Variants in MYLK3 observed in about 807,000 individuals in gnomAD.
MYLK3 encodes myosin light chain kinase 3.
MYLK3 carries 55 observed loss-of-function variants against 76.3 expected under a neutral mutation model. The ratio of observed to expected loss-of-function variants is 0.72; its 90% CI spans 0.58 to 0.90. The LOEUF is 0.90. MYLK3 is among the 40% of genes least tolerant of loss of function. MYLK3 has a pLI of 0.00. For missense variants in MYLK3, 973 were observed against 1,053.6 expected, an observed-to-expected ratio of 0.92 and a Z score of 1.06; for synonymous variants, 416 against 425.4, an observed-to-expected ratio of 0.98 and a Z score of 0.27.
chr16:46,728,557 C>CA (rs1008107883), intron 7 of MYLK3, among the ~76,000 whole-genome samples: 1 of 152,010 alleles, frequency 6.6e-6, no homozygotes, highest in Non-Finnish European at 1.5e-5. Context: ...CTCATCTCTA[C>CA]AAAAAATTTA....
chr16:46,740,591 A>T (rs1466133370), intron 1 of MYLK3, among the ~76,000 whole-genome samples: 1 of 138,412 alleles, frequency 7.2e-6, no homozygotes, highest in Non-Finnish European at 1.5e-5. Context: ...TTGCTCTGTC[A>T]TCCAGGCTGC....
At chr16:46,742,446 A>AC (rs57753409) in intron 1 of MYLK3, among the ~76,000 whole-genome samples, 83,045 of 121,472 alleles carry the variant, frequency 0.68, 27,731 homozygotes, top group East Asian at 0.95. Flanking sequence ...ATCCCAGCAA[A>AC]AACACACACA....
chr16:46,716,491 A>G (rs958012022), intron 9 of MYLK3, among the ~76,000 whole-genome samples: 4 of 52,780 alleles, frequency 7.6e-5, no homozygotes, highest in African/African-American at 1.7e-4. Context: ...GTGTATGTGT[A>G]TATATATGTG....
chr16:46,723,791 A>G (rs1299997746), intron 8 of MYLK3, among the ~76,000 whole-genome samples: 1 of 151,992 alleles, frequency 6.6e-6, no homozygotes, highest in African/African-American at 2.4e-5. Context: ...CTGGGATTAC[A>G]GGCATGTGCC....
chr16:46,743,909 T>C (rs1024978913), intron 1 of MYLK3, among the ~76,000 whole-genome samples: 1 of 152,228 alleles, frequency 6.6e-6, no homozygotes, highest in African/African-American at 2.4e-5. Context: ...CAAAACTAGC[T>C]TTGGTTATAT....
intron 8 of MYLK3, chr16:46,725,866 G>A (rs554437154): frequency 6.6e-6 from 1 of 152,282 alleles, no homozygotes; most frequent in Admixed American, 6.5e-5. Context: ...GGTTTTTATT[G>A]CATTTGCTTT....
At chr16:46,713,887 T>C (rs1966709978) in intron 9 of MYLK3, among the ~76,000 whole-genome samples, 1 of 152,228 alleles carries the variant, frequency 6.6e-6, no homozygotes, top group Non-Finnish European at 1.5e-5. Context: ...GGGTCATCCA[T>C]GTTGCTGCAA....
chr16:46,742,596 A>G (rs1224446281), intron 1 of MYLK3, among the ~76,000 whole-genome samples: 1 of 151,886 alleles, frequency 6.6e-6, no homozygotes, highest in East Asian at 1.9e-4. Context: ...TGTCTCCCCA[A>G]CCCTAAGGTG....
At chr16:46,735,875 C>A (rs959757192) in intron 3 of MYLK3, among the ~76,000 whole-genome samples, 1 of 152,236 alleles carries the variant, frequency 6.6e-6, no homozygotes, top group African/African-American at 2.4e-5. Context: ...AAGGCACTTA[C>A]AAGCAGCTCC....
At chr16:46,752,848 C>T (rs1046749098), upstream of MYLK3, among the ~76,000 whole-genome samples, 1 of 152,020 alleles carries the variant, frequency 6.6e-6, no homozygotes, top group African/African-American at 2.4e-5. Context: ...ACACTGTACT[C>T]CAACCTGGAC....
At chr16:46,760,255 G>A (rs1366581786) in intron 1 of MYLK3, among the ~76,000 whole-genome samples, 1 of 152,150 alleles carries the variant, frequency 6.6e-6, no homozygotes, top group Non-Finnish European at 1.5e-5. Context: ...TGGACGAGAG[G>A]GTTTCTGGAA....
upstream of MYLK3, among the ~76,000 whole-genome samples, chr16:46,751,521 G>A (rs1967125027): frequency 6.6e-6 from 1 of 152,240 alleles, no homozygotes; most frequent in African/African-American, 2.4e-5. Flanking sequence ...GAAGCTCCCT[G>A]AGGGCAGACC....
intron 9 of MYLK3, among the ~76,000 whole-genome samples, chr16:46,716,445 ATGTGTATATATATG>A (rs1335258463): frequency 2.0e-5 from 3 of 150,832 alleles, no homozygotes; most frequent in African/African-American, 4.9e-5. Context: ...ATATGTATGT[ATGTGTATATATATG>A]TGTGTATATA....
At chr16:46,750,182 T>C (rs889617953), upstream of MYLK3, among the ~76,000 whole-genome samples, 2 of 152,122 alleles carry the variant, frequency 1.3e-5, no homozygotes, top group African/African-American at 4.8e-5. Context: ...AGATCGGGGC[T>C]CCCTGGGCCA....
In MYLK3 at chr16:46,709,553, G is replaced by C. The variant is rs781170518; in HGVS notation, c.2386C>G (p.Gln796Glu). ...SQLLLQKYIA[Q>E]RKWKKHFYVV... Reference sequence around the variant, plus strand: ...AAACCAAATACCTTCCATTTTCTTTGAGCTATGTATTTCTGCAGCAGTAGT... The same window carrying C: ...AAACCAAATACCTTCCATTTTCTTTCAGCTATGTATTTCTGCAGCAGTAGT... Residue 796 changes from glutamine (Q) to glutamate (E), a missense_variant, in exon 12 of 13, where the codon CAA becomes GAA. Gln to Glu is a conservative substitution (Grantham distance 29). Coordinates refer to ENST00000394809, the MANE Select transcript of MYLK3 (RefSeq NM_182493.3). The C allele has an allele frequency of 6.2e-7, 1 of 1,613,856 alleles. No homozygotes were observed. The highest frequency in any genetic ancestry group is 1.3e-5 in the African/African-American group (1 of 75,000).
rs1159225947 is a variant in MYLK3 at position 46,747,749 on chromosome 16, T to C, written c.445A>G (p.Arg149Gly). The change falls in exon 1 of 13, where the codon AGG (arginine) becomes GGG (glycine). Residue 149 changes from arginine to glycine, a missense_variant. By Grantham distance (125) the Arg-to-Gly change is moderately radical. Coordinates refer to ENST00000394809, the MANE Select transcript of MYLK3 (RefSeq NM_182493.3). ...GGGCTGTCACCTGGGCTGCCTCTCC[T>C]CCAGGGCACACGCCCCTGCATGAGG... ...DFLMQGRVPW[R>G]RGSPGDSPEE... The C allele has an allele frequency of 6.2e-7, 1 of 1,613,948 alleles. No homozygotes were observed. Among genetic ancestry groups the C allele is most frequent in the Non-Finnish European group, 8.5e-7 (1 of 1,180,020 alleles).
Position 46,733,783 on chromosome 16 carries a change from G to A in MYLK3, c.1002-1115C>T, listed in dbSNP as rs150084470. ...GGGGTGAGGGTGACAGTGTCTGGCGGGGACTGAGTCTCAGCAGGGAGGCAG... is the reference window on the plus strand; with the variant it reads ...GGGGTGAGGGTGACAGTGTCTGGCGAGGACTGAGTCTCAGCAGGGAGGCAG... On this transcript the variant is annotated intron_variant, in intron 3 of 12. Coordinates refer to ENST00000394809, the MANE Select transcript of MYLK3 (RefSeq NM_182493.3). Among the ~76,000 whole-genome samples the A allele has an allele frequency of 3.5e-3, 539 of 152,302 alleles. 2 individuals carry two copies. The highest frequency in any genetic ancestry group is 6.2e-3 in the Non-Finnish European group (422 of 68,030).
chr16:46,723,293 C>T (rs1966817365), intron 8 of MYLK3, among the ~76,000 whole-genome samples: 1 of 152,092 alleles, frequency 6.6e-6, no homozygotes. Context: ...AAGGTTTATC[C>T]GTGTTGTGTA....
intron 1 of MYLK3, among the ~76,000 whole-genome samples, chr16:46,740,416 C>G (rs1473580244): frequency 6.6e-6 from 1 of 151,632 alleles, no homozygotes; most frequent in Non-Finnish European, 1.5e-5. Context: ...CCATATTCCC[C>G]ATAAGGGATG....
Sources: gnomAD v4.1 joint callset for allele counts (sites outside exome capture counted in the v4.1 genomes callset) on GRCh38, gnomAD v4.1.1 for gene constraint, MANE v1.5 for transcripts, NCBI Gene and HGNC (gene_info 2026-07-23, HGNC 2026-07-21) for gene names.